Variants in FBXO11 observed in about 807,000 individuals in gnomAD.
FBXO11 encodes the protein F-box protein 11, also known as F-box only protein 11.
FBXO11 carries 13 observed loss-of-function variants against 117.0 expected under a neutral mutation model. The observed-to-expected ratio is 0.11, with a 90% CI of 0.07 to 0.18. The LOEUF (loss-of-function observed/expected upper bound fraction) is 0.18. Among genes scored for constraint, FBXO11 ranks in the 10% least tolerant of loss-of-function variants. FBXO11 has a pLI of 1.00. For synonymous variants in FBXO11, 490 were observed against 380.5 expected (o/e 1.29, Z -3.35); for missense variants, 767 against 1,164.4 (o/e 0.66, Z 4.97).
At chr2:47,882,677 G>GTC (rs1214665487) in intron 1 of FBXO11, among the ~76,000 whole-genome samples, 1 of 151,956 alleles carries the variant, frequency 6.6e-6, no homozygotes, top group Non-Finnish European at 1.5e-5. Context: ...TTGAGACAGG[G>GTC]TCTCCCCTCT....
chr2:47,854,050 A>G (rs372286864), intron 1 of FBXO11, among the ~76,000 whole-genome samples: 1 of 152,232 alleles, frequency 6.6e-6, no homozygotes, highest in African/African-American at 2.4e-5. Context: ...GAGAGGCTAT[A>G]AAACTATTCC....
intron 1 of FBXO11, among the ~76,000 whole-genome samples, chr2:47,843,017 G>C (rs1044851871): frequency 1.3e-5 from 2 of 152,150 alleles, no homozygotes; most frequent in Non-Finnish European, 2.9e-5. Flanking sequence ...AAACTGCTGA[G>C]CTCAAGTGAT....
At chr2:47,868,742 T>C (rs1343257618) in intron 1 of FBXO11, among the ~76,000 whole-genome samples, 2 of 152,200 alleles carry the variant, frequency 1.3e-5, no homozygotes, top group Non-Finnish European at 1.5e-5. Flanking sequence ...ATGGCTGCTG[T>C]TGAGCGTCCA....
intron 1 of FBXO11, among the ~76,000 whole-genome samples, chr2:47,888,943 T>TA (rs1193907811): frequency 2.0e-5 from 3 of 152,234 alleles, no homozygotes; most frequent in Non-Finnish European, 4.4e-5. Flanking sequence ...ACCCAGTTTT[T>TA]AATCATCTAT....
At chr2:47,854,988 T>A (rs531767365) in intron 1 of FBXO11, among the ~76,000 whole-genome samples, 1 of 151,946 alleles carries the variant, frequency 6.6e-6, no homozygotes, top group East Asian at 1.9e-4. Flanking sequence ...ACTCCTTCAA[T>A]ATCAGCAATA....
Position 47,822,313 on chromosome 2 carries a change from T to C in FBXO11, c.1617-10A>G. ...AAATATAGAATTTCCCCTATAATTA[T>C]GCGAAATAAAAAAAAAGAAGACATC... On this transcript the variant is annotated splice_polypyrimidine_tract_variant and intron_variant, in intron 12 of 22. Transcript: ENST00000403359. The C allele has an allele frequency of 6.5e-7, 1 of 1,534,244 alleles. No homozygotes were observed. The highest frequency in any genetic ancestry group is 8.9e-7 in the Non-Finnish European group (1 of 1,126,448).
intron 16 of FBXO11, among the ~76,000 whole-genome samples, chr2:47,818,008 A>G (rs1431402406): frequency 6.6e-6 from 1 of 152,200 alleles, no homozygotes; most frequent in African/African-American, 2.4e-5. Context: ...TCAGCCAGGC[A>G]TGGTGGCACA....
In FBXO11 at chr2:47,809,285, T is replaced by A. The variant is rs955345212; in HGVS notation, c.2447-19A>T. The A allele has an allele frequency of 1.4e-6, 2 of 1,436,002 alleles. No homozygotes were observed. Among genetic ancestry groups the A allele is most frequent in the African/African-American group, 1.4e-5 (1 of 69,920 alleles). The allele number at this position is 1,436,002 out of a possible 1,614,324, so 89.0% of individuals were successfully genotyped here. ...TTGTTATCTGTAATAAAAGAAAGAA[T>A]AAGTAAAAATTCAGAGGAATGTTAA... On this transcript the variant is annotated intron_variant, in intron 20 of 22. Transcript: ENST00000403359.
At chr2:47,850,423 T>C (rs1488668385) in intron 1 of FBXO11, among the ~76,000 whole-genome samples, 1 of 152,100 alleles carries the variant, frequency 6.6e-6, no homozygotes, top group Non-Finnish European at 1.5e-5. Context: ...ACTCAGAAAA[T>C]ACACTACACT....
At chr2:47,885,419 C>T (rs1676751752) in intron 1 of FBXO11, among the ~76,000 whole-genome samples, 1 of 152,026 alleles carries the variant, frequency 6.6e-6, no homozygotes, top group African/African-American at 2.4e-5. Flanking sequence ...ATGGCAAACC[C>T]TGTCTCTACC....
At chr2:47,899,409 A>G (rs1677928962) in intron 1 of FBXO11, among the ~76,000 whole-genome samples, 1 of 151,658 alleles carries the variant, frequency 6.6e-6, no homozygotes, top group East Asian at 1.9e-4. Context: ...CTTACTTTTT[A>G]TATTTAAAAG....
At chr2:47,895,516 G>A (rs1677589834) in intron 1 of FBXO11, among the ~76,000 whole-genome samples, 1 of 152,136 alleles carries the variant, frequency 6.6e-6, no homozygotes. Flanking sequence ...CCCTTCAAGG[G>A]GGACACTTCT....
At chr2:47,842,924 A>C (rs1478103867) in intron 1 of FBXO11, among the ~76,000 whole-genome samples, 1 of 152,092 alleles carries the variant, frequency 6.6e-6, no homozygotes, top group Admixed American at 6.6e-5. Flanking sequence ...GGAACTGCAG[A>C]TGTGAACCAC....
In FBXO11 at chr2:47,834,789, A is replaced by G; in HGVS notation, c.800T>C (p.Leu267Ser). 1 of 1,612,056 alleles carries G rather than the reference A, an allele frequency of 6.2e-7. No homozygotes were observed. The highest frequency in any genetic ancestry group is 8.5e-7 in the Non-Finnish European group (1 of 1,179,126). Residue 267 changes from leucine to serine, a missense_variant and splice_region_variant, in exon 6 of 23, where the codon TTG becomes TCG. Coordinates refer to ENST00000403359, the MANE Select transcript of FBXO11 (RefSeq NM_001190274.2). ...PARYKGRENM[L>S]YYDTIEDALG... ...CATAAAAATAAAAATCAAACATACCAACATATTTTCTCTTCCTTTATATCT... is the reference window on the plus strand; with the variant it reads ...CATAAAAATAAAAATCAAACATACCGACATATTTTCTCTTCCTTTATATCT...
Position 47,872,316 on chromosome 2 carries a change from T to C in FBXO11, c.233-32547A>G, listed in dbSNP as rs548569340. 6.2e-4 allele frequency among the ~76,000 whole-genome samples: 95 copies of C among 152,310 alleles called. 1 individual carries two copies. Among genetic ancestry groups the C allele is most frequent in the African/African-American group, 2.0e-3 (84 of 41,570 alleles). ...TCGGAAAGTATTAAAGTCAAAACTATTTTCATTATTGTATAATTTGTGTGC... is the reference window on the plus strand; with the variant it reads ...TCGGAAAGTATTAAAGTCAAAACTACTTTCATTATTGTATAATTTGTGTGC... On this transcript the variant is annotated intron_variant, in intron 1 of 22. Transcript: ENST00000403359.
chr2:47,871,253 C>T (rs1236861940), intron 1 of FBXO11, among the ~76,000 whole-genome samples: 1 of 152,188 alleles, frequency 6.6e-6, no homozygotes, highest in Non-Finnish European at 1.5e-5. Context: ...ACTCAAGCAG[C>T]CCTGTGGATA....
intron 1 of FBXO11, among the ~76,000 whole-genome samples, chr2:47,904,578 GCAAACA>G (rs1367974710): frequency 2.8e-5 from 3 of 105,560 alleles, no homozygotes; most frequent in South Asian, 3.8e-4. Context: ...GCGCGCGCGC[GCAAACA>G]CACACACACA....
intron 17 of FBXO11, 44 bp downstream of exon 17, chr2:47,813,747 C>T (rs766843954): frequency 2.0e-6 from 3 of 1,487,108 alleles, no homozygotes; most frequent in Non-Finnish European, 2.7e-6. Flanking sequence ...AGGTGTATTT[C>T]TAAAGTTTAT....
intron 11 of FBXO11, among the ~76,000 whole-genome samples, chr2:47,828,075 G>C (rs1274230077): frequency 6.6e-6 from 1 of 151,928 alleles, no homozygotes; most frequent in Admixed American, 6.6e-5. Context: ...GAACTTCTGG[G>C]CTCAATCAAT....
Sources: allele counts gnomAD v4.1 joint callset (sites outside exome capture counted in the v4.1 genomes callset), GRCh38; gene constraint gnomAD v4.1.1; transcripts MANE v1.5; gene names NCBI Gene and HGNC (gene_info 2026-07-23, HGNC 2026-07-21).